GABRR1: variants seen among roughly 807,000 people sequenced by gnomAD.
GABRR1 encodes the protein gamma-aminobutyric acid type A receptor subunit rho1, also known as gamma-aminobutyric acid receptor subunit rho-1.
In GABRR1, 59 loss-of-function variants were observed where a neutral mutation model predicts 55.5. The ratio of observed to expected loss-of-function variants is 1.06; its 90% CI spans 0.86 to 1.32. The LOEUF is 1.32. Among genes scored for constraint, GABRR1 ranks in the 40% most tolerant of loss-of-function variants. The probability of loss-of-function intolerance (pLI) is 0.00; values close to 1 mark genes in which losing one functional copy is unlikely to be tolerated. For synonymous variants in GABRR1, 213 were observed against 226.0 expected, an observed-to-expected ratio of 0.94 and a Z score of 0.51; for missense variants, 602 against 619.1, an observed-to-expected ratio of 0.97 and a Z score of 0.29.
At chr6:89,189,355 T>C (rs997224023) in intron 6 of GABRR1, among the ~76,000 whole-genome samples, 1 of 147,706 alleles carries the variant, frequency 6.8e-6, no homozygotes, top group Non-Finnish European at 1.5e-5. Context: ...GTTCATGTCC[T>C]TTGTAGGGAC....
At chr6:89,181,279 G>A (rs1433775844) in intron 8 of GABRR1, among the ~76,000 whole-genome samples, 2 of 152,152 alleles carry the variant, frequency 1.3e-5, no homozygotes, top group Non-Finnish European at 1.5e-5. Context: ...AAAACCTGGT[G>A]GGTCGCATTC....
chr6:89,180,692 C>A (rs1189121245), intron 8 of GABRR1, among the ~76,000 whole-genome samples: 2 of 152,190 alleles, frequency 1.3e-5, no homozygotes, highest in African/African-American at 4.8e-5. Flanking sequence ...TGCTTCCCTA[C>A]CCTTTCGCCC....
intron 1 of GABRR1, chr6:89,205,825 A>T (rs1193948647): frequency 6.6e-6 from 1 of 152,200 alleles, no homozygotes; most frequent in Non-Finnish European, 1.5e-5. Context: ...GGCATTTCTA[A>T]CAGCCAAGAA....
intron 1 of GABRR1, among the ~76,000 whole-genome samples, chr6:89,210,908 A>G (rs1340220132): frequency 8.3e-6 from 1 of 120,192 alleles, no homozygotes; most frequent in Non-Finnish European, 1.8e-5. Flanking sequence ...CACCTAATTG[A>G]GACTTGAGAG....
At chr6:89,196,819 G>GGA (rs2127797406) in intron 5 of GABRR1, among the ~76,000 whole-genome samples, 1 of 65,314 alleles carries the variant, frequency 1.5e-5, no homozygotes, top group South Asian at 5.3e-4. Flanking sequence ...AGAAAGAAAA[G>GGA]AAGGAAAGAA....
upstream of GABRR1, chr6:89,217,444 A>T: frequency 3.4e-6 from 4 of 1,189,618 alleles, no homozygotes; most frequent in Non-Finnish European, 3.5e-6. Context: ...TGCAAAAAAA[A>T]AATCAACCCA....
intron 6 of GABRR1, among the ~76,000 whole-genome samples, chr6:89,186,161 C>A (rs527242957): frequency 1.3e-5 from 2 of 152,360 alleles, no homozygotes; most frequent in South Asian, 4.1e-4. Flanking sequence ...TAAACAGTTC[C>A]TTCCAGGGGT....
Position 89,187,970 on chromosome 6 carries a change from T to G in GABRR1, c.655+2195A>C, listed in dbSNP as rs560725031. On this transcript the variant is annotated intron_variant, in intron 6 of 9. Transcript: ENST00000454853. ...CTTTTCAAGACCCTGCTTTCAATTC[T>G]TTTGGTTATTTACCCAGAAATGGAT... Among the ~76,000 whole-genome samples, 16 of 152,334 alleles carry G rather than the reference T, an allele frequency of 1.1e-4. No homozygotes were observed. The South Asian group carries it at 2.5e-3, about 24-fold the overall frequency.
At chr6:89,188,784 T>C (rs565291406) in intron 6 of GABRR1, among the ~76,000 whole-genome samples, 201 of 152,270 alleles carry the variant, frequency 1.3e-3, no homozygotes, top group African/African-American at 4.5e-3. Flanking sequence ...ATTTGCGTAT[T>C]TTTTTCTTTT....
intron 5 of GABRR1, among the ~76,000 whole-genome samples, chr6:89,196,828 A>AAAGAAAGG (rs1562296535): frequency 1.1e-5 from 1 of 88,708 alleles, no homozygotes; most frequent in Non-Finnish European, 2.4e-5. Context: ...AGAAGGAAAG[A>AAAGAAAGG]AAGAAAGAAA....
At chr6:89,191,246 T>A (rs557075571) in intron 5 of GABRR1, among the ~76,000 whole-genome samples, 1 of 152,320 alleles carries the variant, frequency 6.6e-6, no homozygotes, top group South Asian at 2.1e-4. Context: ...GGTGGTCTTA[T>A]GTCTCCTGGA....
chr6:89,214,549 C>G (rs1772930808), intron 1 of GABRR1, among the ~76,000 whole-genome samples: 1 of 151,996 alleles, frequency 6.6e-6, no homozygotes, highest in Admixed American at 6.6e-5. Context: ...TCAAACAACT[C>G]AATAGCAAGA....
At chr6:89,201,287 G>C in intron 2 of GABRR1, 22 bp from the exon 3 acceptor site, 1 of 1,514,488 alleles carries the variant, frequency 6.6e-7, no homozygotes, top group African/African-American at 1.4e-5. Flanking sequence ...GAAGAAACCA[G>C]GCTGATCATA....
At chr6:89,229,379 A>T (rs1296851146) in intron 1 of GABRR1, among the ~76,000 whole-genome samples, 1 of 151,488 alleles carries the variant, frequency 6.6e-6, no homozygotes, top group African/African-American at 2.4e-5. Context: ...ACATTTTGGC[A>T]TGATTTTGCA....
chr6:89,223,094 G>A (rs1229906931), intron 1 of GABRR1, among the ~76,000 whole-genome samples: 1 of 151,868 alleles, frequency 6.6e-6, no homozygotes, highest in Non-Finnish European at 1.5e-5. Context: ...GGTGGTATTT[G>A]GTTACATGAG....
At position 89,178,898 on chromosome 6, in the gene GABRR1, T is replaced by C; in HGVS notation, c.1312A>G (p.Arg438Gly). The C allele has an allele frequency of 6.2e-7, 1 of 1,614,208 alleles. No individual in the cohort carries two copies. The highest frequency in any genetic ancestry group is 8.5e-7 in the Non-Finnish European group (1 of 1,180,038). The change falls in exon 10 of 10, where the codon AGG becomes GGG. Residue 438 changes from arginine to glycine, a missense_variant. By Grantham distance (125) the Arg-to-Gly change is moderately radical. This residue lies in a region of GABRR1 where 139 missense variants were observed against 141.1 expected (regional missense o/e 0.99). Coordinates refer to ENST00000454853, the MANE Select transcript of GABRR1 (RefSeq NM_002042.5). ...ACATAGCTGCTTCTCTGACTTTTCC[T>C]CTGTGGGGAGCTCCTCTCTGAGGCC... is the stretch of plus-strand genomic sequence containing the variant. ...TLASERSSPQ[R>G]KSQRSSYVSM...
intron 1 of GABRR1, among the ~76,000 whole-genome samples, chr6:89,204,924 A>G (rs1772597010): frequency 1.3e-5 from 2 of 152,164 alleles, no homozygotes; most frequent in Non-Finnish European, 2.9e-5. Flanking sequence ...TTTAAACTCA[A>G]ATTATAATAT....
At chr6:89,204,610 A>G in intron 1 of GABRR1, 6 of 1,269,674 alleles carry the variant, frequency 4.7e-6, no homozygotes, top group Non-Finnish European at 6.1e-6. Flanking sequence ...ACTTTGGGCC[A>G]GCCTGAAATG....
At chr6:89,189,022 C>T (rs1030044631) in intron 6 of GABRR1, among the ~76,000 whole-genome samples, 2 of 150,854 alleles carry the variant, frequency 1.3e-5, no homozygotes, top group African/African-American at 4.9e-5. Flanking sequence ...CAAAAATGAG[C>T]TCTCTGGATG....
Sources: gnomAD v4.1 joint callset for allele counts (sites outside exome capture counted in the v4.1 genomes callset) on GRCh38, gnomAD v4.1.1 for gene constraint, gnomAD v4.1.1 regional missense constraint, MANE v1.5 for transcripts, NCBI Gene and HGNC (gene_info 2026-07-23, HGNC 2026-07-21) for gene names.